The following PDE10A variants were observed in gnomAD, a reference collection of about 807,000 sequenced individuals.
The protein encoded by PDE10A is cAMP and cAMP-inhibited cGMP 3',5'-cyclic phosphodiesterase 10A.
A neutral mutation model predicts 97.7 loss-of-function variants in PDE10A; 39 were observed. The observed-to-expected ratio is 0.40, with a 90% CI of 0.31 to 0.52. The LOEUF (loss-of-function observed/expected upper bound fraction) is 0.52. Among genes scored for constraint, PDE10A ranks in the 20% least tolerant of loss-of-function variants. The probability of loss-of-function intolerance (pLI) is 0.56; values close to 1 mark genes in which losing one functional copy is unlikely to be tolerated. For synonymous variants in PDE10A, 371 were observed against 376.8 expected (o/e 0.98, Z 0.18); for missense variants, 731 against 1,047.8 (o/e 0.70, Z 4.17).
intron 1 of PDE10A, among the ~76,000 whole-genome samples, chr6:165,777,889 C>T (rs6919206): frequency 0.64 from 97,104 of 151,830 alleles, 31,865 homozygotes; most frequent in East Asian, 0.91. Context: ...GCCTCTGCCC[C>T]CTAGAGGGCC....
intron 13 of PDE10A, chr6:165,409,648 G>C (rs114087412): frequency 0.02 from 3,084 of 155,150 alleles, 133 homozygotes; most frequent in African/African-American, 0.07. Flanking sequence ...ACTTGGATGG[G>C]AGAAAGAAAA....
chr6:165,902,668 T>C (rs1486317755), intron 1 of PDE10A, among the ~76,000 whole-genome samples: 2 of 152,192 alleles, frequency 1.3e-5, no homozygotes, highest in Non-Finnish European at 1.5e-5. Context: ...AGCAATGATA[T>C]TTCCTCGCCA....
At position 165,543,558 on chromosome 6, in the gene PDE10A, A is replaced by G; in HGVS notation, c.876T>C (p.Asp292=). The G allele has an allele frequency of 1.2e-6, 2 of 1,609,352 alleles. No homozygotes were observed. Among genetic ancestry groups the G allele is most frequent in the Non-Finnish European group, 1.7e-6 (2 of 1,177,436 alleles). The change falls in exon 2 of 22, where the codon GAT becomes GAC. Residue 292 remains aspartate (D), a synonymous_variant. Transcript: ENST00000539869. ...TECFLSPSLT[D]EKVKAYLSLH... is the part of the protein sequence containing the mutation. ...GAGAAAGATATGCCTTCACTTTTTCATCTGTCAAACCTGTAAAAGAATTGA... is the reference window on the plus strand; with the variant it reads ...GAGAAAGATATGCCTTCACTTTTTCGTCTGTCAAACCTGTAAAAGAATTGA...
intron 1 of PDE10A, among the ~76,000 whole-genome samples, chr6:165,788,457 G>T (rs1194816521): frequency 3.1e-5 from 4 of 128,388 alleles, no homozygotes; most frequent in Non-Finnish European, 6.2e-5. Context: ...GCGGAGGTTT[G>T]CCATGAGCCG....
At chr6:165,507,261 G>C (rs1203311301) in intron 2 of PDE10A, among the ~76,000 whole-genome samples, 1 of 152,068 alleles carries the variant, frequency 6.6e-6, no homozygotes, top group South Asian at 2.1e-4. Context: ...TACTCACTTT[G>C]TTCCTGCAAT....
intron 1 of PDE10A, chr6:165,576,300 T>C: frequency 1.4e-6 from 1 of 701,200 alleles, no homozygotes; most frequent in Non-Finnish European, 2.6e-6. Context: ...CATCAATTGA[T>C]AATTTTAATG....
At position 165,711,324 on chromosome 6, in the gene PDE10A, T is replaced by C. The variant is rs1791890479; in HGVS notation, c.-614-167756A>G. Among the ~76,000 whole-genome samples, 1 of 152,230 alleles carries C rather than the reference T, an allele frequency of 6.6e-6. No homozygotes were observed. Among genetic ancestry groups the C allele is most frequent in the African/African-American group, 2.4e-5 (1 of 41,534 alleles). On this transcript the variant is annotated intron_variant, in intron 1 of 19. Coordinates refer to the PDE10A transcript ENST00000366882. The surrounding 1 kb of genome is among the most constrained non-coding windows in gnomAD (Gnocchi z 4.5). ...TTGGGCACTGTGGCACCATTACAGATGGTATGATTCAGCGTGCTAAAGGCA... is the reference window on the plus strand; with the variant it reads ...TTGGGCACTGTGGCACCATTACAGACGGTATGATTCAGCGTGCTAAAGGCA...
intron 18 of PDE10A, among the ~76,000 whole-genome samples, chr6:165,377,210 GA>G (rs1445515707): frequency 6.6e-6 from 1 of 151,998 alleles, no homozygotes; most frequent in Non-Finnish European, 1.5e-5. Flanking sequence ...GCTTTATTAT[GA>G]AATTTCTTTT....
chr6:165,399,775 A>T (rs997992004), intron 13 of PDE10A, among the ~76,000 whole-genome samples: 1 of 152,168 alleles, frequency 6.6e-6, no homozygotes, highest in Non-Finnish European at 1.5e-5. Flanking sequence ...TTATGGCTGC[A>T]TAGTATTCCA....
At chr6:165,608,147 A>G (rs1048973992) in intron 1 of PDE10A, among the ~76,000 whole-genome samples, 29 of 150,726 alleles carry the variant, frequency 1.9e-4, no homozygotes, top group African/African-American at 6.8e-4. Flanking sequence ...GTTCTAGGGT[A>G]CATGTGCACA....
chr6:165,751,940 C>T (rs978976134), intron 1 of PDE10A, among the ~76,000 whole-genome samples: 2 of 151,576 alleles, frequency 1.3e-5, no homozygotes, highest in African/African-American at 4.8e-5. Flanking sequence ...GAGATGGAGA[C>T]CATCCTGGTT....
At chr6:165,394,974 G>A (rs190132640) in intron 15 of PDE10A, among the ~76,000 whole-genome samples, 1 of 152,114 alleles carries the variant, frequency 6.6e-6, no homozygotes, top group East Asian at 1.9e-4. Flanking sequence ...CATGTTGCTA[G>A]AGCCCCTACA....
At chr6:165,509,936 T>C (rs1781417587) in intron 2 of PDE10A, among the ~76,000 whole-genome samples, 3 of 152,226 alleles carry the variant, frequency 2.0e-5, no homozygotes, top group Middle Eastern at 3.4e-3. Context: ...ACCCTGCAAC[T>C]ATACTGTATT....
chr6:165,529,133 T>G (rs1018378688), intron 2 of PDE10A, among the ~76,000 whole-genome samples: 1 of 152,170 alleles, frequency 6.6e-6, no homozygotes, highest in Non-Finnish European at 1.5e-5. Context: ...AACTGGAAGA[T>G]TGCCACAGGG....
At chr6:165,361,159 C>A (rs977168080) in intron 18 of PDE10A, among the ~76,000 whole-genome samples, 1 of 152,096 alleles carries the variant, frequency 6.6e-6, no homozygotes, top group Non-Finnish European at 1.5e-5. Flanking sequence ...ATGCGTTCAT[C>A]AAGGTTTCAA....
At chr6:165,808,123 T>C (rs1156486942) in intron 1 of PDE10A, among the ~76,000 whole-genome samples, 1 of 152,192 alleles carries the variant, frequency 6.6e-6, no homozygotes, top group Admixed American at 6.5e-5. Context: ...AGTTGCATCG[T>C]GGGACTGTTC....
intron 1 of PDE10A, among the ~76,000 whole-genome samples, chr6:165,599,142 T>C (rs937626806): frequency 3.9e-5 from 6 of 152,240 alleles, no homozygotes; most frequent in African/African-American, 1.4e-4. Flanking sequence ...ATAATCCTAA[T>C]GAATTGCATG....
At chr6:165,529,254 A>G (rs1011975740) in intron 2 of PDE10A, among the ~76,000 whole-genome samples, 12 of 152,178 alleles carry the variant, frequency 7.9e-5, no homozygotes, top group Non-Finnish European at 1.6e-4. Context: ...TTACTCCACA[A>G]CGAAGGTAAG....
intron 1 of PDE10A, among the ~76,000 whole-genome samples, chr6:165,713,023 G>A (rs1255973459): frequency 1.3e-5 from 2 of 152,196 alleles, no homozygotes; most frequent in Non-Finnish European, 2.9e-5. Flanking sequence ...GCAAGGATGG[G>A]CTCAGGCCCT....
Sources: gnomAD v4.1 joint callset for allele counts (sites outside exome capture counted in the v4.1 genomes callset) on GRCh38, gnomAD v4.1.1 for gene constraint, Gnocchi (gnomAD v3.1) non-coding constraint, MANE v1.5 for transcripts, NCBI Gene and HGNC (gene_info 2026-07-23, HGNC 2026-07-21) for gene names.